Variants in UNC5D observed in about 807,000 individuals in gnomAD.
UNC5D encodes the protein unc-5 netrin receptor D.
UNC5D carries 39 observed loss-of-function variants against 105.4 expected under a neutral mutation model. The observed-to-expected ratio is 0.37, with a 90% CI of 0.29 to 0.48. UNC5D has a LOEUF of 0.48. Ranked by LOEUF, UNC5D falls within the 20% of genes least tolerant of loss-of-function variation. UNC5D has a pLI of 0.98. For missense variants in UNC5D, 991 were observed against 1,202.4 expected (o/e 0.82, Z 2.60); for synonymous variants, 452 against 450.4 (o/e 1.00, Z -0.04).
intron 1 of UNC5D, among the ~76,000 whole-genome samples, chr8:35,456,076 C>A (rs1194491624): frequency 1.3e-5 from 2 of 152,050 alleles, no homozygotes; most frequent in Non-Finnish European, 2.9e-5. Flanking sequence ...ACTTGGCCTG[C>A]CTAATTCAGA....
chr8:35,661,001 G>A (rs1169194153), intron 4 of UNC5D, among the ~76,000 whole-genome samples: 1 of 152,064 alleles, frequency 6.6e-6, no homozygotes, highest in Non-Finnish European at 1.5e-5. Context: ...GGGAGGCTGA[G>A]GTGGGAGGAT....
At chr8:35,410,345 G>A (rs780407672) in intron 1 of UNC5D, among the ~76,000 whole-genome samples, 3 of 152,006 alleles carry the variant, frequency 2.0e-5, no homozygotes, top group African/African-American at 2.4e-5. Context: ...GGGATTTGCC[G>A]TAATGGTTAC....
At chr8:35,293,427 T>C (rs1807225619) in intron 1 of UNC5D, among the ~76,000 whole-genome samples, 1 of 152,156 alleles carries the variant, frequency 6.6e-6, no homozygotes, top group Admixed American at 6.5e-5. Flanking sequence ...TTGTCTAATG[T>C]CAATTTGTTT....
chr8:35,724,001 T>C (rs1055389587), intron 9 of UNC5D: 4 of 553,708 alleles, frequency 7.2e-6, no homozygotes, highest in Middle Eastern at 5.9e-4. Context: ...CCTTGGCATA[T>C]GGAAAGCGCT....
intron 1 of UNC5D, among the ~76,000 whole-genome samples, chr8:35,332,323 C>G (rs1810687534): frequency 6.6e-6 from 1 of 152,178 alleles, no homozygotes; most frequent in Non-Finnish European, 1.5e-5. Flanking sequence ...TAAAAGCTCA[C>G]TTTCAAAGTT....
intron 1 of UNC5D, among the ~76,000 whole-genome samples, chr8:35,428,029 A>T (rs539520608): frequency 6.6e-6 from 1 of 152,286 alleles, no homozygotes; most frequent in Admixed American, 6.5e-5. Context: ...TATTTGATAA[A>T]GATAAAGGAA....
chr8:35,350,384 G>A (rs539024621), intron 1 of UNC5D, among the ~76,000 whole-genome samples: 2 of 152,070 alleles, frequency 1.3e-5, no homozygotes, highest in Non-Finnish European at 2.9e-5. Flanking sequence ...CTCCCTTAGC[G>A]TAGGTGTCTT....
intron 4 of UNC5D, among the ~76,000 whole-genome samples, chr8:35,626,498 T>C (rs560020982): frequency 1.2e-3 from 190 of 152,258 alleles, no homozygotes; most frequent in Middle Eastern, 6.8e-3. Flanking sequence ...AGGCTAGAAA[T>C]GAATGAAAAT....
intron 8 of UNC5D, 106 bp from the exon 9 acceptor site, chr8:35,722,104 T>C: frequency 1.6e-6 from 2 of 1,270,092 alleles, no homozygotes; most frequent in Non-Finnish European, 2.2e-6. Flanking sequence ...TCATTGTCTC[T>C]GAGCAGTAGC....
intron 14 of UNC5D, among the ~76,000 whole-genome samples, chr8:35,761,310 C>G (rs935969688): frequency 1.1e-4 from 16 of 151,964 alleles, no homozygotes; most frequent in Admixed American, 9.2e-4. Context: ...CCAAAGTGAA[C>G]TATTAAGTTT....
At chr8:35,357,029 T>A (rs568059548) in intron 1 of UNC5D, among the ~76,000 whole-genome samples, 1 of 152,262 alleles carries the variant, frequency 6.6e-6, no homozygotes, top group East Asian at 1.9e-4. Context: ...CATGAGTAAC[T>A]GAACTGTGGA....
At chr8:35,241,685 T>G (rs1446433519) in intron 1 of UNC5D, among the ~76,000 whole-genome samples, 1 of 152,220 alleles carries the variant, frequency 6.6e-6, no homozygotes, top group East Asian at 1.9e-4. Flanking sequence ...ATTTTTAAAT[T>G]TTAACACTTT....
chr8:35,237,179 G>GTTTTT lies in UNC5D; in HGVS notation c.103+1315_103+1319dup, dbSNP rs3073013. Among the ~76,000 whole-genome samples the GTTTTT allele has an allele frequency of 2.3e-4, 14 of 61,792 alleles. 1 individual carries two copies. The highest frequency in any genetic ancestry group is 5.2e-4 in the African/African-American group (8 of 15,456). 40.5% of individuals were successfully genotyped at this position (61,792 alleles called of 152,430 possible). On this transcript the variant is annotated intron_variant, in intron 1 of 16. Transcript: ENST00000404895. ...CCATTTGCATTTCATTTCCTGAAAA[G>GTTTTT]TTTTTTTTTTTTTTTTTTTTTTTTT...
chr8:35,527,861 T>C (rs1264182115), intron 1 of UNC5D, among the ~76,000 whole-genome samples: 1 of 152,114 alleles, frequency 6.6e-6, no homozygotes. Flanking sequence ...GTACTAGTCC[T>C]GTTCATATGG....
At chr8:35,580,611 G>A (rs1254407113) in intron 3 of UNC5D, among the ~76,000 whole-genome samples, 2 of 152,052 alleles carry the variant, frequency 1.3e-5, no homozygotes, top group Non-Finnish European at 1.5e-5. Flanking sequence ...ATTTATGAAG[G>A]AAGAAATGGT....
chr8:35,388,043 T>G (rs1410499371), intron 1 of UNC5D, among the ~76,000 whole-genome samples: 3 of 151,984 alleles, frequency 2.0e-5, no homozygotes, highest in African/African-American at 7.3e-5. Flanking sequence ...GGGGAGGAAT[T>G]TCCTTAAGAC....
At chr8:35,356,547 T>A (rs1264078063) in intron 1 of UNC5D, among the ~76,000 whole-genome samples, 1 of 152,182 alleles carries the variant, frequency 6.6e-6, no homozygotes, top group East Asian at 1.9e-4. Context: ...AAAAGTAGCA[T>A]GAATTTCTTT....
chr8:35,791,030 G>A lies in UNC5D; in HGVS notation c.*467G>A, dbSNP rs190670650. The A allele has an allele frequency of 3.1e-3, 577 of 186,150 alleles. 4 individuals carry two copies. Among genetic ancestry groups the A allele is most frequent in the African/African-American group, 0.012 (501 of 42,558 alleles). The allele number at this position is 186,150 out of a possible 1,614,324, so 11.5% of individuals were successfully genotyped here. A position where few individuals can be genotyped will look rare whatever the true frequency, so the allele number is the denominator to read the frequency against. On this transcript the variant is annotated 3_prime_UTR_variant, in exon 17 of 17. Transcript: ENST00000404895. ...ATCATTGTAAAAATGGCTTTTAGAC[G>A]TGAAACAGGGTTGCCAACCCATTTG...
rs562329942 is a variant in UNC5D, at chr8:35,704,927, C to T, written c.1085-1002C>T. 1.6e-3 allele frequency among the ~76,000 whole-genome samples: 244 copies of T among 149,950 alleles called. 1 individual carries two copies. Among genetic ancestry groups the T allele is most frequent in the Middle Eastern group, 7.0e-3 (2 of 284 alleles). On this transcript the variant is annotated intron_variant, in intron 7 of 16. Transcript: ENST00000404895. The stretch of plus-strand genomic sequence containing the variant: ...TGGGGGCATTGAGAAAATTCCTCAG[C>T]TGAGCTCTGACTCCTGTGGCCATGC...
Sources: gnomAD v4.1 joint callset for allele counts (sites outside exome capture counted in the v4.1 genomes callset) on GRCh38, gnomAD v4.1.1 for gene constraint, MANE v1.5 for transcripts, NCBI Gene and HGNC (gene_info 2026-07-23, HGNC 2026-07-21) for gene names.